The following PATJ variants were observed in gnomAD, a reference collection of about 807,000 sequenced individuals.
The protein encoded by PATJ is PATJ crumbs cell polarity complex component.
A neutral mutation model predicts 224.9 loss-of-function variants in PATJ; 190 were observed. The observed-to-expected ratio is 0.84, with a 90% CI of 0.75 to 0.95. The LOEUF is 0.95. Among genes scored for constraint, PATJ ranks in the 40% least tolerant of loss-of-function variants. PATJ has a pLI of 0.00. For missense variants in PATJ, 2,121 were observed against 2,270.3 expected, an observed-to-expected ratio of 0.93 and a Z score of 1.34; for synonymous variants, 769 against 820.3, an observed-to-expected ratio of 0.94 and a Z score of 1.07.
intron 29 of PATJ, among the ~76,000 whole-genome samples, chr1:62,026,476 GTGTGTGTGTGTC>G (rs879303165): frequency 0.01 from 1,057 of 102,056 alleles, 9 homozygotes; most frequent in African/African-American, 0.05. Context: ...GTGTGTGTGT[GTGTGTGTGTGTC>G]TGTGTGTGTG....
At chr1:61,765,065 C>CTTTT (rs1491546787) in intron 3 of PATJ, among the ~76,000 whole-genome samples, 25 of 16,990 alleles carry the variant, frequency 1.5e-3, no homozygotes, top group South Asian at 7.6e-3. Context: ...TATTGACATT[C>CTTTT]ATTTTTTTTT....
At chr1:62,156,087 T>C (rs1669182246) in intron 43 of PATJ, among the ~76,000 whole-genome samples, 1 of 130,142 alleles carries the variant, frequency 7.7e-6, no homozygotes, top group African/African-American at 2.8e-5. Context: ...AAAAGAATAT[T>C]CCAATAGGGC....
chr1:61,876,419 A>G (rs183433779), intron 21 of PATJ, among the ~76,000 whole-genome samples: 62 of 152,308 alleles, frequency 4.1e-4, no homozygotes, highest in Admixed American at 4.0e-3. Flanking sequence ...ATAGTTCTCT[A>G]TTAAATAGTT....
At chr1:62,006,241 A>G (rs1436416276) in intron 28 of PATJ, among the ~76,000 whole-genome samples, 2 of 152,094 alleles carry the variant, frequency 1.3e-5, no homozygotes, top group Non-Finnish European at 2.9e-5. Flanking sequence ...CTGCCTCCCA[A>G]GTAGCTGGGA....
intron 14 of PATJ, among the ~76,000 whole-genome samples, chr1:61,821,999 A>C (rs367684124): frequency 4.7e-4 from 71 of 152,290 alleles, no homozygotes; most frequent in African/African-American, 1.7e-3. Flanking sequence ...ACAGACCTAG[A>C]ATGGATAAAC....
chr1:61,751,338 T>C (rs17378697), intron 1 of PATJ, among the ~76,000 whole-genome samples: 13,080 of 151,856 alleles, frequency 0.086, 744 homozygotes, highest in Non-Finnish European at 0.12. Context: ...AAGCTGGGAG[T>C]GTACAGTCGG....
At chr1:62,157,856 TAA>T (rs1669407381) in intron 43 of PATJ, among the ~76,000 whole-genome samples, 1 of 46,512 alleles carries the variant, frequency 2.1e-5, no homozygotes, top group African/African-American at 6.0e-5. Flanking sequence ...AAAAAAAAAA[TAA>T]TCCAAGCCAG....
At chr1:61,784,849 C>T (rs563454820) in intron 7 of PATJ, among the ~76,000 whole-genome samples, 4 of 152,238 alleles carry the variant, frequency 2.6e-5, no homozygotes, top group Middle Eastern at 3.4e-3. Context: ...TCCAGCAATT[C>T]TTCATTCTTT....
At chr1:61,751,627 A>C (rs1265147016) in intron 1 of PATJ, among the ~76,000 whole-genome samples, 1 of 151,802 alleles carries the variant, frequency 6.6e-6, no homozygotes, top group Non-Finnish European at 1.5e-5. Context: ...GGAGTGTAAG[A>C]CCAGCCTGAC....
At chr1:61,811,246 G>T (rs976783993) in intron 14 of PATJ, among the ~76,000 whole-genome samples, 2 of 152,002 alleles carry the variant, frequency 1.3e-5, no homozygotes, top group Non-Finnish European at 2.9e-5. Flanking sequence ...CTTGTTTTTT[G>T]AGACGGAGTT....
chr1:61,754,933 A>G (rs1570270806), intron 1 of PATJ, among the ~76,000 whole-genome samples: 2 of 151,918 alleles, frequency 1.3e-5, no homozygotes, highest in African/African-American at 2.4e-5. Flanking sequence ...CGGCCAACCA[A>G]TTTCTACCCT....
chr1:62,049,286 A>T (rs546978782), intron 30 of PATJ, among the ~76,000 whole-genome samples: 191 of 126,486 alleles, frequency 1.5e-3, no homozygotes, highest in African/African-American at 5.0e-3. Context: ...CACACAGAGT[A>T]TTTTTTTTTC....
chr1:61,897,459 G>T (rs977363706), intron 22 of PATJ, among the ~76,000 whole-genome samples: 6 of 152,140 alleles, frequency 3.9e-5, no homozygotes, highest in African/African-American at 9.7e-5. Flanking sequence ...TGTCATCAGG[G>T]TCTTAAATAC....
intron 38 of PATJ, among the ~76,000 whole-genome samples, chr1:62,121,957 GA>G (rs78046107): frequency 0.18 from 26,092 of 148,390 alleles, 3,691 homozygotes; most frequent in East Asian, 0.73. Flanking sequence ...CCAGTTAAAA[GA>G]AAAAAAAAAG....
chr1:61,952,261 A>AGAGAGAGAGC (rs775806555), intron 27 of PATJ: 3 of 577,228 alleles, frequency 5.2e-6, no homozygotes, highest in Non-Finnish European at 9.7e-6. Context: ...TCTGAGAGAG[A>AGAGAGAGAGC]GAGAGAGAGA....
intron 25 of PATJ, among the ~76,000 whole-genome samples, chr1:61,910,696 A>T (rs1672510011): frequency 6.6e-6 from 1 of 151,574 alleles, no homozygotes; most frequent in Non-Finnish European, 1.5e-5. Flanking sequence ...ACAGGCATGG[A>T]TCACCATGCC....
intron 27 of PATJ, among the ~76,000 whole-genome samples, chr1:61,984,855 G>C (rs6699365): frequency 4.6e-5 from 7 of 151,876 alleles, no homozygotes; most frequent in African/African-American, 1.7e-4. Context: ...AGTCATATGC[G>C]TGCTTGTCTC....
intron 28 of PATJ, among the ~76,000 whole-genome samples, chr1:62,012,875 G>T (rs1250362770): frequency 1.3e-5 from 2 of 152,054 alleles, no homozygotes; most frequent in African/African-American, 4.8e-5. Flanking sequence ...TCTATCCAGA[G>T]ATCAGCATTT....
chr1:61,931,157 A>T (rs556282481), intron 27 of PATJ, among the ~76,000 whole-genome samples: 6 of 152,286 alleles, frequency 3.9e-5, no homozygotes, highest in African/African-American at 1.4e-4. Flanking sequence ...TGGCTTTGCT[A>T]GTTGCTTATT....
Sources: allele counts gnomAD v4.1 joint callset (sites outside exome capture counted in the v4.1 genomes callset), GRCh38; gene constraint gnomAD v4.1.1; transcripts MANE v1.5; gene names NCBI Gene and HGNC (gene_info 2026-07-23, HGNC 2026-07-21).